Variants in ARHGEF11 observed in about 807,000 individuals in gnomAD.
ARHGEF11 encodes Rho guanine nucleotide exchange factor 11, also known as Rho guanine exchange factor (GEF) 11.
A neutral mutation model predicts 193.7 loss-of-function variants in ARHGEF11; 55 were observed. The observed-to-expected ratio is 0.28, with a 90% CI of 0.23 to 0.36. The LOEUF is 0.36. ARHGEF11 is among the 10% of genes least tolerant of loss of function. The probability of loss-of-function intolerance (pLI) is 1.00; values close to 1 mark genes in which losing one functional copy is unlikely to be tolerated. For synonymous variants in ARHGEF11, 693 were observed against 768.0 expected, an observed-to-expected ratio of 0.90 and a Z score of 1.62; for missense variants, 1,723 against 2,005.6, an observed-to-expected ratio of 0.86 and a Z score of 2.69.
intron 1 of ARHGEF11, among the ~76,000 whole-genome samples, chr1:157,023,045 T>C (rs192147213): frequency 1.3e-5 from 2 of 152,322 alleles, no homozygotes; most frequent in Admixed American, 6.5e-5. Flanking sequence ...ATGAAACTCT[T>C]AGAAGAAACA....
Position 156,968,120 on chromosome 1 carries a change from A to G in ARHGEF11, c.830T>C (p.Leu277Ser), listed in dbSNP as rs1661966185. The G allele has an allele frequency of 6.2e-7, 1 of 1,607,032 alleles. No individual in the cohort carries two copies. Among genetic ancestry groups the G allele is most frequent in the Non-Finnish European group, 8.5e-7 (1 of 1,175,226 alleles). The stretch of plus-strand genomic sequence containing the variant: ...TGACAGTACCGAGTTCCGATTCATC[A>G]ATGACTAGAGAAACAAAGAATTCTG... ...TERFPSLSESLMNRNSVLSDP... is the reference protein window; with the variant it reads ...TERFPSLSESSMNRNSVLSDP... The change falls in exon 11 of 41, where the codon TTG (leucine) becomes TCG (serine). Residue 277 changes from leucine (L) to serine (S), a missense_variant. Transcript: ENST00000368194.
At chr1:156,999,220 A>G (rs1416254479) in intron 1 of ARHGEF11, among the ~76,000 whole-genome samples, 128 of 152,330 alleles carry the variant, frequency 8.4e-4, no homozygotes, top group Non-Finnish European at 3.4e-4. Flanking sequence ...ACCTGGTGAG[A>G]TAACAGTGTT....
At chr1:156,936,194 T>G in intron 40 of ARHGEF11, 136 bp from the exon 41 acceptor site, 3 of 955,250 alleles carry the variant, frequency 3.1e-6, no homozygotes, top group Non-Finnish European at 5.2e-6. Flanking sequence ...CAGTTTCTCG[T>G]AGGGCTTGAA....
chr1:157,043,839 C>T (rs545900932), intron 1 of ARHGEF11, among the ~76,000 whole-genome samples: 4 of 152,304 alleles, frequency 2.6e-5, no homozygotes, highest in Admixed American at 1.3e-4. Context: ...GGATCCACCC[C>T]GTCACCAAGC....
intron 15 of ARHGEF11, 76 bp downstream of exon 15, chr1:156,960,342 G>A: frequency 6.9e-7 from 1 of 1,459,270 alleles, no homozygotes; most frequent in Non-Finnish European, 9.6e-7. Flanking sequence ...TGTCCCTTCT[G>A]TCCTCTGGAG....
At chr1:156,936,497 AATAT>A (rs1553192804) in intron 40 of ARHGEF11, among the ~76,000 whole-genome samples, 56 of 33,932 alleles carry the variant, frequency 1.7e-3, no homozygotes, top group African/African-American at 5.2e-3. Flanking sequence ...AAAAAAAAAA[AATAT>A]ATATATATAT....
Position 156,939,837 on chromosome 1 carries a change from C to T in ARHGEF11, c.3807G>A (p.Glu1269=), listed in dbSNP as rs1382812069. 2 of 1,612,746 alleles carry T rather than the reference C, an allele frequency of 1.2e-6. No individual in the cohort carries two copies. Among genetic ancestry groups the T allele is most frequent in the Non-Finnish European group, 1.7e-6 (2 of 1,179,970 alleles). Reference sequence around the variant, plus strand: ...GTGTGGGTGTCAGGTCGTCCTCGGGCTCCTGGGCAGCCTGAGTTTCCATGG... The same window carrying T: ...GTGTGGGTGTCAGGTCGTCCTCGGGTTCCTGGGCAGCCTGAGTTTCCATGG... ...GHTMETQAAQ[E]PEDDLTPTPS... The change falls in exon 37 of 41, where the codon GAG becomes GAA. Residue 1269 remains glutamate (E), a synonymous_variant. Coordinates refer to ENST00000368194, the MANE Select transcript of ARHGEF11 (RefSeq NM_198236.3).
At chr1:156,983,500 G>A (rs1664498208) in intron 3 of ARHGEF11, among the ~76,000 whole-genome samples, 1 of 152,198 alleles carries the variant, frequency 6.6e-6, no homozygotes, top group African/African-American at 2.4e-5. Flanking sequence ...GAGATTACAG[G>A]CGTGAGCCAC....
chr1:156,956,321 G>A (rs1406778120), intron 19 of ARHGEF11, 99 bp downstream of exon 19: 3 of 1,265,946 alleles, frequency 2.4e-6, no homozygotes, highest in Non-Finnish European at 3.4e-6. Flanking sequence ...TCACCATGTT[G>A]CCCAGGCTGG....
intron 1 of ARHGEF11, among the ~76,000 whole-genome samples, chr1:157,021,417 T>G (rs985197824): frequency 6.6e-6 from 1 of 152,158 alleles, no homozygotes; most frequent in African/African-American, 2.4e-5. Context: ...ATATTTAAAA[T>G]CAAAATAATA....
intron 6 of ARHGEF11, among the ~76,000 whole-genome samples, chr1:156,977,277 A>C (rs1415044306): frequency 6.6e-6 from 1 of 152,180 alleles, no homozygotes; most frequent in Non-Finnish European, 1.5e-5. Flanking sequence ...TGCTCTCTAA[A>C]GTCTCCCAGG....
intron 3 of ARHGEF11, 129 bp downstream of exon 3, chr1:156,984,210 C>T (rs1557902214): frequency 1.5e-6 from 1 of 684,270 alleles, no homozygotes. Context: ...TCCCCACGCA[C>T]CCATGGAGAA....
At chr1:156,942,218 T>C (rs1300878571) in intron 33 of ARHGEF11, among the ~76,000 whole-genome samples, 1 of 152,248 alleles carries the variant, frequency 6.6e-6, no homozygotes, top group African/African-American at 2.4e-5. Flanking sequence ...AAGCATTCTA[T>C]GTTTTCCCTC....
Position 156,987,187 on chromosome 1 carries a change from T to C in ARHGEF11, c.33-1014A>G, listed in dbSNP as rs1221448010. On this transcript the variant is annotated intron_variant, in intron 1 of 40. Transcript: ENST00000368194. ...CCTCAGAAAGGGGCAATTCCTATCC[T>C]ACCTATAGCAAAAGACTAAGTAGAA... is the stretch of plus-strand genomic sequence containing the variant. 3.9e-5 allele frequency among the ~76,000 whole-genome samples: 6 copies of C among 152,356 alleles called. 1 individual carries two copies. The South Asian group carries it at 8.3e-4, about 21-fold the overall frequency.
rs1166032774 is a variant in ARHGEF11 at position 156,947,370 on chromosome 1, TCTC to T, written c.2419_2421del (p.Glu807del). On this transcript the variant is annotated inframe_deletion, in exon 26 of 41. Coordinates refer to ENST00000368194, the MANE Select transcript of ARHGEF11 (RefSeq NM_198236.3). ...GCCAGCTCCTCCCGGGGCATCAGGT[TCTC>T]CTTCTTCATTCGCTGGTAGAAGATC... 6.2e-7 allele frequency: 1 copy of T among 1,613,992 alleles called. No individual in the cohort carries two copies. Among genetic ancestry groups the T allele is most frequent in the South Asian group, 1.1e-5 (1 of 91,066 alleles).
At chr1:156,977,077 T>A (rs747157590) in intron 6 of ARHGEF11, 23 bp from the exon 7 acceptor site, 1 of 1,609,282 alleles carries the variant, frequency 6.2e-7, no homozygotes, top group Non-Finnish European at 8.5e-7. Context: ...AATATGGCAA[T>A]ATAAGAGTTA....
Position 157,039,433 on chromosome 1 carries a change from G to A in ARHGEF11, c.32+4866C>T, listed in dbSNP as rs532938090. Among the ~76,000 whole-genome samples, 5 of 152,306 alleles carry A rather than the reference G, an allele frequency of 3.3e-5. No individual in the cohort carries two copies. In the South Asian group the frequency reaches 1.0e-3, roughly 32 times the overall value. On this transcript the variant is annotated intron_variant, in intron 1 of 40. Transcript: ENST00000368194. ...TCCATCATCCACGTCTACTAACTCAGATGTTGTGTTCTTTCCTCAGAACTC... is the reference window on the plus strand; with the variant it reads ...TCCATCATCCACGTCTACTAACTCAAATGTTGTGTTCTTTCCTCAGAACTC...
intron 1 of ARHGEF11, among the ~76,000 whole-genome samples, chr1:157,026,760 G>A (rs1446403801): frequency 1.3e-5 from 2 of 152,208 alleles, no homozygotes; most frequent in African/African-American, 4.8e-5. Context: ...CAGAATCCCT[G>A]TTGTTAAAGC....
chr1:157,021,467 T>C (rs940811819), intron 1 of ARHGEF11, among the ~76,000 whole-genome samples: 3 of 152,152 alleles, frequency 2.0e-5, no homozygotes, highest in African/African-American at 7.2e-5. Flanking sequence ...CTCAAATGGA[T>C]CCAATATTAA....
Sources: allele counts gnomAD v4.1 joint callset (sites outside exome capture counted in the v4.1 genomes callset), GRCh38; gene constraint gnomAD v4.1.1; transcripts MANE v1.5; gene names NCBI Gene and HGNC (gene_info 2026-07-23, HGNC 2026-07-21).